TMEM131: variants seen among roughly 807,000 people sequenced by gnomAD.
The protein encoded by TMEM131 is transmembrane protein 131.
TMEM131 carries 66 observed loss-of-function variants against 211.6 expected under a neutral mutation model. The ratio of observed to expected loss-of-function variants is 0.31; its 90% CI spans 0.26 to 0.38. The LOEUF is 0.38. TMEM131 is among the 10% of genes least tolerant of loss of function. TMEM131 has a pLI of 1.00. For missense variants in TMEM131, 2,036 were observed against 2,299.3 expected, an observed-to-expected ratio of 0.89 and a Z score of 2.34; for synonymous variants, 844 against 841.3, an observed-to-expected ratio of 1.00 and a Z score of -0.06.
intron 4 of TMEM131, among the ~76,000 whole-genome samples, chr2:97,863,914 T>G (rs1180575364): frequency 6.6e-6 from 1 of 152,180 alleles, no homozygotes; most frequent in Non-Finnish European, 1.5e-5. Flanking sequence ...ATTGTAGCGT[T>G]TTATGTACTC....
chr2:97,879,166 G>A (rs143680110), intron 4 of TMEM131, among the ~76,000 whole-genome samples: 1,545 of 152,350 alleles, frequency 0.01, 14 homozygotes, highest in South Asian at 0.024. Flanking sequence ...TCCCAGTGGA[G>A]TGAAGACACA....
At chr2:97,841,604 C>G (rs981195490) in intron 7 of TMEM131, among the ~76,000 whole-genome samples, 2 of 148,948 alleles carry the variant, frequency 1.3e-5, no homozygotes, top group Admixed American at 1.3e-4. Flanking sequence ...TCAAAAAATT[C>G]AAAATCCAGA....
At chr2:97,973,595 G>A (rs1679400782) in intron 1 of TMEM131, among the ~76,000 whole-genome samples, 1 of 152,214 alleles carries the variant, frequency 6.6e-6, no homozygotes, top group African/African-American at 2.4e-5. Flanking sequence ...GGTCCCCATT[G>A]AGTCCTCGGT....
intron 38 of TMEM131, 74 bp from the exon 39 acceptor site, chr2:97,759,823 G>T: frequency 9.4e-7 from 1 of 1,059,646 alleles, no homozygotes. Context: ...ATAGTGCACA[G>T]CTTCACAAAC....
At chr2:97,866,876 G>A (rs1367503018) in intron 4 of TMEM131, among the ~76,000 whole-genome samples, 1 of 152,152 alleles carries the variant, frequency 6.6e-6, no homozygotes, top group Non-Finnish European at 1.5e-5. Context: ...GGAACCATGA[G>A]TGTTTTGAAT....
At chr2:97,893,451 C>T (rs932130339) in intron 3 of TMEM131, among the ~76,000 whole-genome samples, 4 of 152,104 alleles carry the variant, frequency 2.6e-5, no homozygotes, top group African/African-American at 9.7e-5. Context: ...GTTCTAGGTC[C>T]CTGAGGAATC....
At chr2:97,863,100 C>T (rs1210301511) in intron 4 of TMEM131, among the ~76,000 whole-genome samples, 1 of 152,012 alleles carries the variant, frequency 6.6e-6, no homozygotes, top group African/African-American at 2.4e-5. Flanking sequence ...GTGCTGAAGG[C>T]AACAACAACA....
intron 12 of TMEM131, 102 bp from the exon 13 acceptor site, chr2:97,815,409 G>T: frequency 3.0e-6 from 2 of 661,014 alleles, no homozygotes; most frequent in Non-Finnish European, 4.7e-6. Context: ...AAAAAGTTGA[G>T]CTTCCAAATT....
chr2:97,828,686 G>A (rs1682513106), intron 11 of TMEM131, among the ~76,000 whole-genome samples: 1 of 152,248 alleles, frequency 6.6e-6, no homozygotes, highest in Non-Finnish European at 1.5e-5. Context: ...GGAGGACTTT[G>A]CACCTTCTTA....
At chr2:97,843,589 C>T (rs1683295976) in intron 6 of TMEM131, among the ~76,000 whole-genome samples, 1 of 152,192 alleles carries the variant, frequency 6.6e-6, no homozygotes, top group South Asian at 2.1e-4. Flanking sequence ...ATCCTCCCAC[C>T]TTGGCCTCCC....
At chr2:97,877,644 G>C (rs1307202873) in intron 4 of TMEM131, among the ~76,000 whole-genome samples, 2 of 152,158 alleles carry the variant, frequency 1.3e-5, no homozygotes, top group African/African-American at 4.8e-5. Flanking sequence ...GGGAAAACTG[G>C]CTAGCCATAT....
At chr2:97,786,491 T>C (rs1680254697) in intron 31 of TMEM131, among the ~76,000 whole-genome samples, 1 of 152,196 alleles carries the variant, frequency 6.6e-6, no homozygotes, top group Non-Finnish European at 1.5e-5. Flanking sequence ...ATCACACCAC[T>C]GCACTCCAGC....
chr2:97,949,800 A>G (rs1678214421), intron 1 of TMEM131, among the ~76,000 whole-genome samples: 1 of 136,360 alleles, frequency 7.3e-6, no homozygotes, highest in Admixed American at 7.8e-5. Flanking sequence ...AGCCTGGGCG[A>G]CAGAGTGAGA....
chr2:97,818,408 G>T (rs1681935871), intron 12 of TMEM131, among the ~76,000 whole-genome samples: 1 of 127,014 alleles, frequency 7.9e-6, no homozygotes, highest in Non-Finnish European at 1.6e-5. Flanking sequence ...GCTTTATAAA[G>T]TTGTGGTATT....
chr2:97,869,059 C>T (rs553379597), intron 4 of TMEM131, among the ~76,000 whole-genome samples: 2 of 152,188 alleles, frequency 1.3e-5, no homozygotes, highest in African/African-American at 4.8e-5. Context: ...GAAATAAAAA[C>T]ATCCTCCTTG....
intron 4 of TMEM131, among the ~76,000 whole-genome samples, chr2:97,862,008 G>A (rs1674086941): frequency 6.6e-6 from 1 of 152,170 alleles, no homozygotes; most frequent in Admixed American, 6.5e-5. Flanking sequence ...TCCACTCCCA[G>A]ATCCAGGTGG....
chr2:97,923,628 T>TTAAAAA (rs1491415827), intron 2 of TMEM131, among the ~76,000 whole-genome samples: 1 of 30,188 alleles, frequency 3.3e-5, no homozygotes, highest in African/African-American at 9.4e-5. Flanking sequence ...TCTTTTTTTT[T>TTAAAAA]AAAAAAAAAA....
At chr2:97,951,693 A>G (rs1678323432) in intron 1 of TMEM131, among the ~76,000 whole-genome samples, 11 of 151,962 alleles carry the variant, frequency 7.2e-5, no homozygotes, top group Admixed American at 7.2e-4. Flanking sequence ...TACACGGGGG[A>G]AAAACACAAA....
intron 1 of TMEM131, among the ~76,000 whole-genome samples, chr2:97,939,358 C>A (rs1305988259): frequency 2.0e-5 from 3 of 152,012 alleles, no homozygotes; most frequent in African/African-American, 7.3e-5. Flanking sequence ...ACCACCGATC[C>A]CACAGAAATA....
Sources: allele counts gnomAD v4.1 joint callset (sites outside exome capture counted in the v4.1 genomes callset), GRCh38; gene constraint gnomAD v4.1.1; transcripts MANE v1.5; gene names NCBI Gene and HGNC (gene_info 2026-07-23, HGNC 2026-07-21).